Variants in IMMP2L observed in about 807,000 individuals in gnomAD.
IMMP2L encodes inner mitochondrial membrane peptidase subunit 2.
Under a neutral mutation model 19.3 loss-of-function variants are expected in IMMP2L, and 18 were observed. The ratio of observed to expected loss-of-function variants is 0.93; its 90% CI spans 0.64 to 1.38. The LOEUF is 1.38. Among genes scored for constraint, IMMP2L ranks in the 40% most tolerant of loss-of-function variants. The pLI, the probability that IMMP2L is intolerant of heterozygous loss-of-function variation, is 0.00. For missense variants in IMMP2L, 233 were observed against 218.2 expected, an observed-to-expected ratio of 1.07 and a Z score of -0.43; for synonymous variants, 76 against 73.0, an observed-to-expected ratio of 1.04 and a Z score of -0.21.
chr7:111,343,208 G>T (rs1827197569), intron 3 of IMMP2L, among the ~76,000 whole-genome samples: 1 of 151,966 alleles, frequency 6.6e-6, no homozygotes, highest in Non-Finnish European at 1.5e-5. Flanking sequence ...ATCAAGTCAT[G>T]CCTCTTCTAA....
chr7:111,360,116 C>T (rs1394958941), intron 3 of IMMP2L, among the ~76,000 whole-genome samples: 2 of 101,082 alleles, frequency 2.0e-5, no homozygotes, highest in East Asian at 4.1e-4. Context: ...TACAATTTCG[C>T]CATAATGTGA....
At chr7:111,166,349 A>G (rs1353124100) in intron 3 of IMMP2L, among the ~76,000 whole-genome samples, 1 of 152,062 alleles carries the variant, frequency 6.6e-6, no homozygotes, top group East Asian at 1.9e-4. Context: ...CTAAGAAACT[A>G]GGATTCCTCC....
intron 5 of IMMP2L, among the ~76,000 whole-genome samples, chr7:110,882,376 CCT>C (rs1324993650): frequency 2.9e-5 from 4 of 136,674 alleles, no homozygotes; most frequent in Non-Finnish European, 4.6e-5. Flanking sequence ...TCTCTCTCTC[CCT>C]CTCTCTCTCT....
intron 5 of IMMP2L, among the ~76,000 whole-genome samples, chr7:110,788,277 G>A (rs193137681): frequency 1.3e-5 from 2 of 152,118 alleles, no homozygotes; most frequent in Admixed American, 1.3e-4. Flanking sequence ...TTCACAACAA[G>A]GAAGTACCTC....
At chr7:111,422,086 T>A (rs761724827) in intron 3 of IMMP2L, among the ~76,000 whole-genome samples, 1 of 151,848 alleles carries the variant, frequency 6.6e-6, no homozygotes, top group Non-Finnish European at 1.5e-5. Context: ...GGTCTATATC[T>A]CTGTTTTGGT....
intron 5 of IMMP2L, among the ~76,000 whole-genome samples, chr7:110,787,229 C>G (rs1338627877): frequency 1.3e-5 from 2 of 151,896 alleles, no homozygotes; most frequent in African/African-American, 4.8e-5. Context: ...CAATATACCC[C>G]CAGTGAAGTA....
intron 5 of IMMP2L, among the ~76,000 whole-genome samples, chr7:110,884,066 T>C (rs2129545288): frequency 1.3e-5 from 2 of 152,198 alleles, no homozygotes; most frequent in East Asian, 3.9e-4. Context: ...CAGTGTGAAG[T>C]AGTTAAAAAT....
At chr7:111,078,994 T>G (rs1425050789) in intron 3 of IMMP2L, among the ~76,000 whole-genome samples, 4 of 152,146 alleles carry the variant, frequency 2.6e-5, no homozygotes, top group African/African-American at 9.7e-5. Context: ...CCTCCCAAAG[T>G]GCTGGGATTA....
chr7:110,692,883 T>C (rs144438169), intron 5 of IMMP2L, among the ~76,000 whole-genome samples: 37 of 152,248 alleles, frequency 2.4e-4, no homozygotes, highest in African/African-American at 8.9e-4. Context: ...CAAAAAATCT[T>C]CAACTGTTCA....
chr7:110,669,210 T>C (rs960377239), intron 5 of IMMP2L, among the ~76,000 whole-genome samples: 2 of 152,110 alleles, frequency 1.3e-5, no homozygotes, highest in African/African-American at 4.8e-5. Context: ...GTCAGCCGAC[T>C]GGAGACCCAG....
At chr7:111,367,877 A>G (rs1829923605) in intron 3 of IMMP2L, among the ~76,000 whole-genome samples, 1 of 151,924 alleles carries the variant, frequency 6.6e-6, no homozygotes. Flanking sequence ...GTGGATAAGC[A>G]ATAGATGATA....
intron 3 of IMMP2L, among the ~76,000 whole-genome samples, chr7:111,420,494 T>A (rs1291320107): frequency 4.0e-5 from 6 of 151,806 alleles, no homozygotes; most frequent in Non-Finnish European, 5.9e-5. Context: ...GCCATCTTGG[T>A]TTGCTGCATC....
At position 110,693,570 on chromosome 7, in the gene IMMP2L, AC is replaced by A. The variant is rs141632182; in HGVS notation, c.409-29850del. 9.3e-3 allele frequency among the ~76,000 whole-genome samples: 1,414 copies of A among 152,300 alleles called. 22 individuals are homozygous for A. The highest frequency in any genetic ancestry group is 0.032 in the African/African-American group (1,328 of 41,566). On this transcript the variant is annotated intron_variant, in intron 5 of 5. Coordinates refer to ENST00000405709, the MANE Select transcript of IMMP2L (RefSeq NM_032549.4). ...CTGAGTGCCTAGAGGACTGTCTTCCACCTGTAAAGGCTCAACAAACACTTCC... is the reference window on the plus strand; with the variant it reads ...CTGAGTGCCTAGAGGACTGTCTTCCACTGTAAAGGCTCAACAAACACTTCC...
chr7:111,050,457 C>A (rs1792895927), intron 3 of IMMP2L, among the ~76,000 whole-genome samples: 1 of 152,154 alleles, frequency 6.6e-6, no homozygotes, highest in South Asian at 2.1e-4. Flanking sequence ...ACTGAAAAGT[C>A]TAAACATATC....
intron 5 of IMMP2L, among the ~76,000 whole-genome samples, chr7:110,768,751 T>A (rs910413946): frequency 6.6e-6 from 1 of 152,162 alleles, no homozygotes. Flanking sequence ...GTTTTAAGCT[T>A]TAGTATCATA....
chr7:110,999,635 A>T (rs989660240), intron 3 of IMMP2L, among the ~76,000 whole-genome samples: 1 of 148,706 alleles, frequency 6.7e-6, no homozygotes, highest in Non-Finnish European at 1.5e-5. Context: ...CAAGATACGT[A>T]TGTTCTCTGA....
chr7:111,547,744 A>T (rs537383774), intron 1 of IMMP2L, among the ~76,000 whole-genome samples: 1 of 148,570 alleles, frequency 6.7e-6, no homozygotes, highest in African/African-American at 2.5e-5. Flanking sequence ...TTTTTGAGAC[A>T]GGGTCTCACT....
chr7:111,404,383 T>G (rs1035487578), intron 3 of IMMP2L, among the ~76,000 whole-genome samples: 1 of 152,158 alleles, frequency 6.6e-6, no homozygotes, highest in African/African-American at 2.4e-5. Flanking sequence ...GAACACATTA[T>G]ACATAACAGA....
At chr7:110,858,427 G>A (rs1450346944) in intron 5 of IMMP2L, among the ~76,000 whole-genome samples, 7 of 151,866 alleles carry the variant, frequency 4.6e-5, no homozygotes, top group Non-Finnish European at 1.0e-4. Context: ...AGAGGGGGAG[G>A]GGGACAGGGA....
Sources: gnomAD v4.1 joint callset for allele counts (sites outside exome capture counted in the v4.1 genomes callset) on GRCh38, gnomAD v4.1.1 for gene constraint, MANE v1.5 for transcripts, NCBI Gene and HGNC (gene_info 2026-07-23, HGNC 2026-07-21) for gene names.